Variants in SRGAP3 observed in about 807,000 individuals in gnomAD.
The protein encoded by SRGAP3 is SLIT-ROBO Rho GTPase-activating protein 3.
SRGAP3 carries 39 observed loss-of-function variants against 121.1 expected under a neutral mutation model. That is an observed-to-expected ratio of 0.32 (90% CI 0.25 to 0.42). SRGAP3 has a LOEUF of 0.42. SRGAP3 is among the 10% of genes least tolerant of loss of function. The pLI, the probability that SRGAP3 is intolerant of heterozygous loss-of-function variation, is 1.00. For synonymous variants in SRGAP3, 601 were observed against 570.0 expected (o/e 1.05, Z -0.77); for missense variants, 1,213 against 1,470.6 (o/e 0.82, Z 2.86).
Position 9,015,819 on chromosome 3 carries a change from C to A in SRGAP3, c.1679-88G>T, listed in dbSNP as rs142294443. 333 of 1,543,158 alleles carry A rather than the reference C, an allele frequency of 2.2e-4. 4 individuals are homozygous for A. In the East Asian group the frequency reaches 6.7e-3, roughly 31 times the overall value. On this transcript the variant is annotated intron_variant, in intron 14 of 21. Transcript: ENST00000383836. ...TGGCCGAAGAGATGACCTGGTCCAG[C>A]CTGAACCACAGGAAAGGCAGATGGG...
chr3:9,223,633 C>T (rs1000809830), intron 1 of SRGAP3, among the ~76,000 whole-genome samples: 1 of 152,192 alleles, frequency 6.6e-6, no homozygotes, highest in Non-Finnish European at 1.5e-5. Flanking sequence ...TGCAATGCAA[C>T]ATGAGTGTGC....
At chr3:9,139,292 C>A (rs1014954920) in intron 1 of SRGAP3, among the ~76,000 whole-genome samples, 1 of 152,050 alleles carries the variant, frequency 6.6e-6, no homozygotes, top group African/African-American at 2.4e-5. Flanking sequence ...GGGAATGTTA[C>A]CTTCAATGGC....
At chr3:9,027,997 T>G (rs1340360522) in intron 12 of SRGAP3, 39 of 1,360,856 alleles carry the variant, frequency 2.9e-5, no homozygotes, top group Non-Finnish European at 3.5e-5. Flanking sequence ...GACAAGAATA[T>G]GGACCCATCA....
At chr3:9,215,467 A>G (rs939835399) in intron 1 of SRGAP3, among the ~76,000 whole-genome samples, 17 of 152,292 alleles carry the variant, frequency 1.1e-4, no homozygotes, top group Admixed American at 3.9e-4. Flanking sequence ...CTGTGACCCA[A>G]GCTCCTCTCT....
At chr3:9,081,873 C>T (rs1326761375) in intron 3 of SRGAP3, among the ~76,000 whole-genome samples, 1 of 152,088 alleles carries the variant, frequency 6.6e-6, no homozygotes, top group Non-Finnish European at 1.5e-5. Flanking sequence ...CCTCAAAATT[C>T]CTATTTTGAA....
chr3:9,049,987 A>C (rs1190204541), intron 9 of SRGAP3, among the ~76,000 whole-genome samples: 1 of 152,088 alleles, frequency 6.6e-6, no homozygotes, highest in Admixed American at 6.6e-5. Flanking sequence ...CTACAGCCAC[A>C]CACCACCATG....
At chr3:9,042,117 A>G (rs546879997) in intron 10 of SRGAP3, among the ~76,000 whole-genome samples, 30 of 142,768 alleles carry the variant, frequency 2.1e-4, no homozygotes, top group African/African-American at 4.6e-4. Context: ...AAAAAAAAAA[A>G]AGAGAGAGAG....
chr3:9,089,035 T>C (rs1484550270), intron 3 of SRGAP3, among the ~76,000 whole-genome samples: 2 of 152,072 alleles, frequency 1.3e-5, no homozygotes, highest in Middle Eastern at 3.2e-3. Flanking sequence ...CATGTTTCAC[T>C]AGCTTTGATT....
upstream of SRGAP3, among the ~76,000 whole-genome samples, chr3:9,251,949 C>A (rs1394807802): frequency 6.6e-6 from 1 of 152,184 alleles, no homozygotes; most frequent in African/African-American, 2.4e-5. Flanking sequence ...CCAACACGAT[C>A]ATGGATTTAA....
chr3:9,118,239 G>A (rs761583657), intron 2 of SRGAP3, among the ~76,000 whole-genome samples: 2 of 152,074 alleles, frequency 1.3e-5, no homozygotes, highest in African/African-American at 2.4e-5. Context: ...TCAGTCTTTC[G>A]TATCCTCCTT....
At chr3:9,146,809 G>A (rs777363924) in intron 1 of SRGAP3, among the ~76,000 whole-genome samples, 8 of 152,302 alleles carry the variant, frequency 5.3e-5, no homozygotes, top group Middle Eastern at 6.8e-3. Flanking sequence ...AGGACGATGC[G>A]TCCCTCTTGG....
intron 2 of SRGAP3, among the ~76,000 whole-genome samples, chr3:9,120,285 G>T (rs1044099932): frequency 2.6e-5 from 4 of 152,212 alleles, no homozygotes; most frequent in African/African-American, 9.6e-5. Flanking sequence ...AATCAAGGAA[G>T]CTTTTCAATA....
chr3:9,231,903 C>A (rs540272626), intron 1 of SRGAP3, among the ~76,000 whole-genome samples: 2 of 152,132 alleles, frequency 1.3e-5, no homozygotes, highest in Non-Finnish European at 2.9e-5. Flanking sequence ...AGAATGCAGA[C>A]GTGACTCGCT....
chr3:9,248,432 C>T (rs981109485), intron 1 of SRGAP3, among the ~76,000 whole-genome samples: 1 of 151,792 alleles, frequency 6.6e-6, no homozygotes, highest in East Asian at 1.9e-4. Flanking sequence ...GAGAAAGAGG[C>T]GGAGGCAAAA....
chr3:9,294,956 TG>T (rs1237885917), intron 3 of SRGAP3, among the ~76,000 whole-genome samples: 1 of 152,192 alleles, frequency 6.6e-6, no homozygotes, highest in East Asian at 1.9e-4. Context: ...CCAATATTAT[TG>T]CTAGCATTGC....
At chr3:9,347,707 T>C (rs1955932479) in intron 1 of SRGAP3, among the ~76,000 whole-genome samples, 2 of 152,264 alleles carry the variant, frequency 1.3e-5, no homozygotes, top group Non-Finnish European at 2.9e-5. Context: ...TCAAAGCTTC[T>C]TATTTTCCCA....
intron 3 of SRGAP3, among the ~76,000 whole-genome samples, chr3:9,269,428 G>A (rs956684683): frequency 3.9e-5 from 6 of 152,154 alleles, no homozygotes; most frequent in Admixed American, 3.3e-4. Flanking sequence ...CCTTCAGGAT[G>A]TCTCCCCTGA....
chr3:9,246,323 C>G (rs1953822743), intron 1 of SRGAP3, among the ~76,000 whole-genome samples: 1 of 152,150 alleles, frequency 6.6e-6, no homozygotes, highest in Non-Finnish European at 1.5e-5. Flanking sequence ...AGGTAATTGG[C>G]CTCGGGCACT....
At chr3:9,072,858 C>T (rs1176839938) in intron 4 of SRGAP3, among the ~76,000 whole-genome samples, 1 of 152,186 alleles carries the variant, frequency 6.6e-6, no homozygotes, top group Non-Finnish European at 1.5e-5. Context: ...AGGAGATATG[C>T]TTCTCTCTGT....
Sources: allele counts gnomAD v4.1 joint callset (sites outside exome capture counted in the v4.1 genomes callset), GRCh38; gene constraint gnomAD v4.1.1; transcripts MANE v1.5; gene names NCBI Gene and HGNC (gene_info 2026-07-23, HGNC 2026-07-21).